The following PPP1R1C variants were observed in gnomAD, a reference collection of about 807,000 sequenced individuals.
The protein encoded by PPP1R1C is protein phosphatase 1 regulatory inhibitor subunit 1C.
A neutral mutation model predicts 17.4 loss-of-function variants in PPP1R1C; 15 were observed. The observed-to-expected ratio is 0.86, with a 90% CI of 0.58 to 1.33. PPP1R1C has a LOEUF of 1.33. Among genes scored for constraint, PPP1R1C ranks in the 40% most tolerant of loss-of-function variants. The pLI is 0.00. For missense variants in PPP1R1C, 143 were observed against 130.0 expected, an observed-to-expected ratio of 1.10 and a Z score of -0.48; for synonymous variants, 35 against 43.1, an observed-to-expected ratio of 0.81 and a Z score of 0.73.
At chr2:181,955,040 T>C (rs1273070357) in intron 1 of PPP1R1C, among the ~76,000 whole-genome samples, 1 of 152,216 alleles carries the variant, frequency 6.6e-6, no homozygotes, top group Admixed American at 6.5e-5. Flanking sequence ...ATAAGCTCTT[T>C]GATGACTTAT....
At chr2:182,042,158 AAG>A (rs1687204826) in intron 2 of PPP1R1C, among the ~76,000 whole-genome samples, 1 of 152,222 alleles carries the variant, frequency 6.6e-6, no homozygotes, top group African/African-American at 2.4e-5. Context: ...ATAGAATAGA[AAG>A]TATGACTCCT....
intron 2 of PPP1R1C, among the ~76,000 whole-genome samples, chr2:181,991,785 A>C (rs1685480692): frequency 6.6e-6 from 1 of 152,154 alleles, no homozygotes; most frequent in African/African-American, 2.4e-5. Flanking sequence ...GAAGCTACAC[A>C]GGAGAGCATT....
chr2:182,109,524 G>T (rs1486377126), intron 4 of PPP1R1C, among the ~76,000 whole-genome samples: 1 of 152,146 alleles, frequency 6.6e-6, no homozygotes, highest in African/African-American at 2.4e-5. Flanking sequence ...GGTGAAGAGT[G>T]TAGTGTCTGA....
intron 2 of PPP1R1C, among the ~76,000 whole-genome samples, chr2:182,021,842 T>C (rs573956917): frequency 4.6e-5 from 7 of 152,292 alleles, no homozygotes; most frequent in African/African-American, 1.7e-4. Context: ...CAGAAAGTGG[T>C]CATTTTAAAG....
intron 4 of PPP1R1C, among the ~76,000 whole-genome samples, chr2:182,090,533 G>A (rs565740094): frequency 6.6e-6 from 1 of 152,186 alleles, no homozygotes; most frequent in East Asian, 1.9e-4. Flanking sequence ...TTGCTGAACA[G>A]AGCATTTAAA....
intron 4 of PPP1R1C, among the ~76,000 whole-genome samples, chr2:182,109,948 T>C (rs532888035): frequency 1.3e-5 from 2 of 152,274 alleles, no homozygotes; most frequent in African/African-American, 4.8e-5. Flanking sequence ...ATAACTAGAA[T>C]GCAAATTTAT....
Position 182,124,846 on chromosome 2 carries a change from G to A in PPP1R1C, c.*7-4128G>A, listed in dbSNP as rs535853211. Among the ~76,000 whole-genome samples, 3 of 152,256 alleles carry A rather than the reference G, an allele frequency of 2.0e-5. No homozygotes were observed. In the East Asian group the frequency reaches 5.8e-4, roughly 29 times the overall value. Reference sequence around the variant, plus strand: ...TATAATTGTGTCATCTGCAAACAGAGATAATTTGACTTCCCCTCTTCCTAT... The same window carrying A: ...TATAATTGTGTCATCTGCAAACAGAAATAATTTGACTTCCCCTCTTCCTAT... On this transcript the variant is annotated intron_variant, in intron 5 of 5. Coordinates refer to the PPP1R1C transcript ENST00000280295.
downstream of PPP1R1C, chr2:182,117,937 C>A (rs1363042966): frequency 6.6e-6 from 1 of 152,064 alleles, no homozygotes; most frequent in Admixed American, 6.6e-5. Flanking sequence ...ATTTTCTAAG[C>A]TGCAAGATAT....
At chr2:182,022,543 C>A (rs1415713412) in intron 2 of PPP1R1C, among the ~76,000 whole-genome samples, 1 of 152,204 alleles carries the variant, frequency 6.6e-6, no homozygotes, top group Non-Finnish European at 1.5e-5. Context: ...ACTCCATCCC[C>A]ACACACATAC....
At chr2:182,036,073 AC>A (rs1034985517) in intron 2 of PPP1R1C, among the ~76,000 whole-genome samples, 2 of 152,190 alleles carry the variant, frequency 1.3e-5, no homozygotes, top group African/African-American at 2.4e-5. Flanking sequence ...GCTCTCCAAA[AC>A]AAGTCCTTTC....
chr2:181,994,504 G>A (rs1263443072), intron 2 of PPP1R1C, among the ~76,000 whole-genome samples: 1 of 151,966 alleles, frequency 6.6e-6, no homozygotes, highest in East Asian at 1.9e-4. Context: ...TGTCTCATTT[G>A]CATAAATCAG....
intron 2 of PPP1R1C, among the ~76,000 whole-genome samples, chr2:181,996,479 T>G (rs777256804): frequency 1.3e-5 from 2 of 152,220 alleles, no homozygotes; most frequent in Non-Finnish European, 2.9e-5. Flanking sequence ...TCTCTGGGCT[T>G]GGGTAGAATA....
At chr2:181,971,855 G>A (rs146414123) in intron 1 of PPP1R1C, among the ~76,000 whole-genome samples, 290 of 152,290 alleles carry the variant, frequency 1.9e-3, no homozygotes, top group African/African-American at 6.6e-3. Context: ...GCAACACTGA[G>A]TTCCAATGCA....
chr2:182,009,586 A>G (rs1452117380), intron 2 of PPP1R1C, among the ~76,000 whole-genome samples: 3 of 151,944 alleles, frequency 2.0e-5, no homozygotes, highest in East Asian at 1.9e-4. Flanking sequence ...GTGTCTATTC[A>G]CTTTGTTTGT....
chr2:182,054,016 T>C (rs915840354), intron 2 of PPP1R1C, among the ~76,000 whole-genome samples: 1 of 152,158 alleles, frequency 6.6e-6, no homozygotes, highest in Non-Finnish European at 1.5e-5. Context: ...CCAGATTCTT[T>C]AATCTCTTCC....
Position 181,976,764 on chromosome 2 carries a change from C to T in PPP1R1C, n.157+1500C>T, listed in dbSNP as rs1685098179. Among the ~76,000 whole-genome samples the T allele has an allele frequency of 6.6e-6, 1 of 152,160 alleles. No homozygotes were observed. The highest frequency in any genetic ancestry group is 2.4e-5 in the African/African-American group (1 of 41,442). ...TAAATCTAAAAAGCTCCACTCCACT[C>T]TTGCTCTTGCTCTCTACTGTAAGGT... On this transcript the variant is annotated intron_variant and non_coding_transcript_variant, in intron 2 of 5. Transcript: ENST00000464264. This position sits in a 1 kb window ranked among gnomAD's most constrained non-coding sequence, Gnocchi z 4.8.
chr2:181,998,405 T>C (rs1447188308), intron 2 of PPP1R1C, among the ~76,000 whole-genome samples: 1 of 152,242 alleles, frequency 6.6e-6, no homozygotes, highest in Non-Finnish European at 1.5e-5. Context: ...TCCTGTGATT[T>C]ATCTGCCCTA....
At chr2:182,006,137 C>A (rs908963125) in intron 2 of PPP1R1C, among the ~76,000 whole-genome samples, 12 of 151,914 alleles carry the variant, frequency 7.9e-5, no homozygotes, top group African/African-American at 2.9e-4. Context: ...GATGAAGGGT[C>A]CCCAAAGATC....
chr2:181,958,493 T>TC (rs1229702968), intron 1 of PPP1R1C, among the ~76,000 whole-genome samples: 144 of 152,146 alleles, frequency 9.5e-4, no homozygotes, highest in Non-Finnish European at 1.8e-3. Context: ...TGAAGCACCA[T>TC]CTGTATATAC....
Sources: allele counts gnomAD v4.1 joint callset (sites outside exome capture counted in the v4.1 genomes callset), GRCh38; gene constraint gnomAD v4.1.1; non-coding constraint Gnocchi (gnomAD v3.1); transcripts MANE v1.5; gene names NCBI Gene and HGNC (gene_info 2026-07-23, HGNC 2026-07-21).